Variants in POLR3B observed in about 807,000 individuals in gnomAD.
POLR3B encodes the protein DNA-directed RNA polymerase III subunit RPC2.
In POLR3B, 96 loss-of-function variants were observed where a neutral mutation model predicts 147.4. That is an observed-to-expected ratio of 0.65 (90% CI 0.55 to 0.77). The LOEUF is 0.77. POLR3B is among the 30% of genes least tolerant of loss of function. POLR3B has a pLI of 0.00. For missense variants in POLR3B, 1,036 were observed against 1,413.5 expected (o/e 0.73, Z 4.28); for synonymous variants, 461 against 485.9 (o/e 0.95, Z 0.67).
chr12:106,448,037 C>G (rs2037745568), intron 19 of POLR3B, among the ~76,000 whole-genome samples: 1 of 152,156 alleles, frequency 6.6e-6, no homozygotes, highest in Non-Finnish European at 1.5e-5. Context: ...TCTACACCTC[C>G]TCCCCCTTTC....
intron 13 of POLR3B, among the ~76,000 whole-genome samples, chr12:106,428,477 T>C (rs2037465073): frequency 2.0e-5 from 3 of 152,328 alleles, no homozygotes; most frequent in African/African-American, 7.2e-5. Flanking sequence ...TACATTTTTC[T>C]CAAAGGAGCA....
intron 23 of POLR3B, among the ~76,000 whole-genome samples, chr12:106,471,060 A>G (rs1194735181): frequency 6.6e-6 from 1 of 152,180 alleles, no homozygotes; most frequent in Non-Finnish European, 1.5e-5. Context: ...GGTAGAATCT[A>G]GAAAGGCAGT....
At chr12:106,447,986 A>AAT (rs2037744973) in intron 19 of POLR3B, among the ~76,000 whole-genome samples, 1 of 152,206 alleles carries the variant, frequency 6.6e-6, no homozygotes, top group Admixed American at 6.5e-5. Context: ...TGAGACACTA[A>AAT]AAACACAATA....
At chr12:106,410,056 C>T (rs963505947) in intron 11 of POLR3B, among the ~76,000 whole-genome samples, 2 of 152,168 alleles carry the variant, frequency 1.3e-5, no homozygotes, top group African/African-American at 4.8e-5. Flanking sequence ...ATTCATTCGG[C>T]AGTTATTTGT....
At chr12:106,507,350 G>A (rs1396825344) in intron 27 of POLR3B, among the ~76,000 whole-genome samples, 2 of 152,196 alleles carry the variant, frequency 1.3e-5, no homozygotes, top group Non-Finnish European at 2.9e-5. Context: ...TGATGGAGAA[G>A]TATTTAATAA....
In POLR3B at chr12:106,444,494, A is replaced by C. The variant is rs1250069206; in HGVS notation, c.1987A>C (p.Thr663Pro). 6.2e-7 allele frequency: 1 copy of C among 1,612,732 alleles called. No individual in the cohort carries two copies. Residue 663 changes from threonine (T) to proline (P), a missense_variant, in exon 19 of 28, where the codon ACT becomes CCT. This residue lies in a region of POLR3B where 177 missense variants were observed against 232.7 expected (regional missense o/e 0.76). Transcript: ENST00000228347. The part of the protein sequence containing the change: ...DTTHLEIEPF[T>P]LLGVCAGLIP... The stretch of plus-strand genomic sequence containing the variant: ...CACCCACTTGGAGATTGAACCCTTC[A>C]CTCTTCTCGGCGTGTGTGCTGGACT...
In POLR3B at chr12:106,430,260, C is replaced by T. The variant is rs2037489777; in HGVS notation, c.1264-13C>T. ...GGGTTAGGAATAGTCTTATGTCTTT[C>T]ATCTCCCTACAGGGAAATTGGTCTT... On this transcript the variant is annotated splice_polypyrimidine_tract_variant and intron_variant, in intron 13 of 27. Coordinates refer to ENST00000228347, the MANE Select transcript of POLR3B (RefSeq NM_018082.6). The T allele has an allele frequency of 1.2e-6, 2 of 1,604,026 alleles. No homozygotes were observed. The highest frequency in any genetic ancestry group is 1.7e-4 in the Middle Eastern group (1 of 5,884).
chr12:106,368,604 T>G (rs1393896751), intron 4 of POLR3B, among the ~76,000 whole-genome samples: 1 of 152,202 alleles, frequency 6.6e-6, no homozygotes, highest in Non-Finnish European at 1.5e-5. Context: ...CTCTGAGAGA[T>G]AAAATTTACT....
intron 23 of POLR3B, among the ~76,000 whole-genome samples, chr12:106,476,967 T>G (rs1391802972): frequency 1.3e-5 from 2 of 151,264 alleles, no homozygotes; most frequent in Non-Finnish European, 2.9e-5. Context: ...TTTCCAGTTT[T>G]TCTGTTCTGT....
chr12:106,399,982 G>A (rs1421452598), intron 10 of POLR3B, among the ~76,000 whole-genome samples: 6 of 152,254 alleles, frequency 3.9e-5, no homozygotes, highest in Non-Finnish European at 7.4e-5. Context: ...CACACATAAC[G>A]ATATTAACTT....
At chr12:106,483,852 C>T (rs1311886398) in intron 23 of POLR3B, among the ~76,000 whole-genome samples, 1 of 152,218 alleles carries the variant, frequency 6.6e-6, no homozygotes, top group African/African-American at 2.4e-5. Flanking sequence ...ATTGCCTTTT[C>T]ATCACAGCCA....
chr12:106,468,612 A>G (rs112691826), intron 23 of POLR3B, among the ~76,000 whole-genome samples: 4,663 of 152,250 alleles, frequency 0.031, 91 homozygotes, highest in Non-Finnish European at 0.043. Flanking sequence ...ACACTGCTTT[A>G]AATGTGTCCC....
chr12:106,471,031 C>G (rs985026739), intron 23 of POLR3B, among the ~76,000 whole-genome samples: 2 of 152,158 alleles, frequency 1.3e-5, no homozygotes, highest in African/African-American at 4.8e-5. Context: ...GAGAAGCTCT[C>G]TGCTGCCTTG....
chr12:106,436,347 G>A (rs1055432248), intron 16 of POLR3B, among the ~76,000 whole-genome samples: 1 of 152,140 alleles, frequency 6.6e-6, no homozygotes, highest in African/African-American at 2.4e-5. Context: ...AAAGCCCTCC[G>A]AGGCAAGTCC....
intron 21 of POLR3B, 77 bp downstream of exon 21, chr12:106,457,373 G>A: frequency 4.1e-6 from 5 of 1,229,804 alleles, no homozygotes; most frequent in Non-Finnish European, 4.7e-6. Context: ...TGAATATTTG[G>A]CAAAAAGGGC....
intron 27 of POLR3B, among the ~76,000 whole-genome samples, chr12:106,505,380 C>T (rs968048873): frequency 6.7e-6 from 1 of 150,030 alleles, no homozygotes; most frequent in African/African-American, 2.5e-5. Context: ...CTCAACCTCC[C>T]AGGCTCAAGC....
chr12:106,482,786 T>C (rs2038287152), intron 23 of POLR3B, among the ~76,000 whole-genome samples: 1 of 152,224 alleles, frequency 6.6e-6, no homozygotes, highest in Admixed American at 6.5e-5. Context: ...GCATATAATA[T>C]GGTATCCACT....
rs567335663 is a variant in POLR3B at position 106,365,850 on chromosome 12, C to T, written c.106-666C>T. 8.0e-4 allele frequency among the ~76,000 whole-genome samples: 116 copies of T among 144,124 alleles called. 6 individuals are homozygous for T. The South Asian group carries it at 0.026, about 33-fold the overall frequency. The allele number at this position is 144,124 out of a possible 152,430, so 94.6% of individuals were successfully genotyped here. A position where few individuals can be genotyped will look rare whatever the true frequency, so the allele number is the denominator to read the frequency against. On this transcript the variant is annotated intron_variant, in intron 2 of 27. Coordinates refer to ENST00000228347, the MANE Select transcript of POLR3B (RefSeq NM_018082.6). ...CTCCAGCCTGGGCAATAGAGCGAGA[C>T]TCTGTCTCAAAAAAAAAAAAAAATT... is the stretch of plus-strand genomic sequence containing the variant.
chr12:106,503,472 C>A (rs897303975), intron 26 of POLR3B, among the ~76,000 whole-genome samples: 4 of 152,100 alleles, frequency 2.6e-5, no homozygotes, highest in Non-Finnish European at 4.4e-5. Flanking sequence ...GTGATCCATG[C>A]CTACATGGGG....
Sources: allele counts gnomAD v4.1 joint callset (sites outside exome capture counted in the v4.1 genomes callset), GRCh38; gene constraint gnomAD v4.1.1; regional missense constraint gnomAD v4.1.1; transcripts MANE v1.5; gene names NCBI Gene and HGNC (gene_info 2026-07-23, HGNC 2026-07-21).